USH2A: variants seen among roughly 807,000 people sequenced by gnomAD.
USH2A encodes the protein Usher syndrome 2A (autosomal recessive, mild).
Under a neutral mutation model 538.9 loss-of-function variants are expected in USH2A, and 443 were observed. The ratio of observed to expected loss-of-function variants is 0.82; its 90% CI spans 0.76 to 0.89. USH2A has a LOEUF of 0.89. Among genes scored for constraint, USH2A ranks in the 40% least tolerant of loss-of-function variants. The pLI, the probability that USH2A is intolerant of heterozygous loss-of-function variation, is 0.00. For synonymous variants in USH2A, 2,413 were observed against 2,273.5 expected (o/e 1.06, Z -1.75); for missense variants, 6,633 against 6,324.8 (o/e 1.05, Z -1.65).
intron 11 of USH2A, among the ~76,000 whole-genome samples, chr1:216,262,173 C>T (rs2036386810): frequency 6.6e-6 from 1 of 151,956 alleles, no homozygotes; most frequent in Admixed American, 6.6e-5. Flanking sequence ...AGCAAGAAAA[C>T]ATGACACTAC....
intron 37 of USH2A, among the ~76,000 whole-genome samples, chr1:215,960,606 C>T (rs1287179827): frequency 2.0e-5 from 3 of 152,002 alleles, no homozygotes; most frequent in Admixed American, 2.0e-4. Flanking sequence ...ATCATATGTT[C>T]CTCATAATTG....
rs2031814598 is a variant in USH2A, at chr1:216,078,137, T to C, written c.5524A>G (p.Ile1842Val). 5 of 1,613,574 alleles carry C rather than the reference T, an allele frequency of 3.1e-6. No homozygotes were observed. In the Admixed American group the frequency reaches 8.3e-5, roughly 27 times the overall value. ...VVNSPVYVGG[I>V]PQELLNSYQH... ...TAAGAGTTCAGCAGTTCCTGTGGGA[T>C]TCCTCCCACATAAACTGGTGAATTC... The change falls in exon 27 of 72, where the codon ATC becomes GTC. Residue 1842 changes from isoleucine (I) to valine (V), a missense_variant. Coordinates refer to ENST00000307340, the MANE Select transcript of USH2A (RefSeq NM_206933.4).
At chr1:216,066,197 A>G (rs1438210949) in intron 30 of USH2A, among the ~76,000 whole-genome samples, 4 of 151,592 alleles carry the variant, frequency 2.6e-5, no homozygotes, top group East Asian at 2.0e-4. Flanking sequence ...CTGGCCGGGC[A>G]CTGTGGCTCA....
chr1:215,940,138 C>A (rs1293830631), intron 37 of USH2A, among the ~76,000 whole-genome samples: 1 of 152,096 alleles, frequency 6.6e-6, no homozygotes, highest in Non-Finnish European at 1.5e-5. Context: ...CCTGGTCCTG[C>A]TTTAAGTTAG....
At chr1:215,846,144 T>C in intron 44 of USH2A, 111 bp from the exon 45 acceptor site, 1 of 1,042,166 alleles carries the variant, frequency 9.6e-7, no homozygotes, top group Non-Finnish European at 1.4e-6. Context: ...TAGAGAGCCT[T>C]TGTTTTGGAA....
intron 43 of USH2A, among the ~76,000 whole-genome samples, chr1:215,871,617 G>C (rs1471268711): frequency 6.6e-6 from 1 of 151,842 alleles, no homozygotes; most frequent in Non-Finnish European, 1.5e-5. Flanking sequence ...AATATTTATT[G>C]GATATTACCA....
At chr1:215,968,816 T>C (rs1412241668) in intron 36 of USH2A, among the ~76,000 whole-genome samples, 1 of 152,204 alleles carries the variant, frequency 6.6e-6, no homozygotes, top group Non-Finnish European at 1.5e-5. Flanking sequence ...CATCGGGCTC[T>C]ATTTAGATGA....
chr1:215,729,676 G>C (rs1659934483), intron 60 of USH2A, among the ~76,000 whole-genome samples: 1 of 152,112 alleles, frequency 6.6e-6, no homozygotes, highest in African/African-American at 2.4e-5. Context: ...TGTCACTCAG[G>C]CTGGAGTGCA....
At chr1:215,777,311 T>C (rs532878649) in intron 55 of USH2A, among the ~76,000 whole-genome samples, 2 of 152,350 alleles carry the variant, frequency 1.3e-5, no homozygotes, top group South Asian at 4.1e-4. Context: ...AATTATTTTA[T>C]AATTAATGAG....
At chr1:216,256,769 A>G (rs1286735382) in intron 11 of USH2A, among the ~76,000 whole-genome samples, 2 of 152,036 alleles carry the variant, frequency 1.3e-5, no homozygotes, top group South Asian at 4.1e-4. Context: ...TATGGTAAGA[A>G]TACAGTAAAT....
At chr1:216,026,977 G>A (rs1668982300) in intron 32 of USH2A, among the ~76,000 whole-genome samples, 1 of 152,038 alleles carries the variant, frequency 6.6e-6, no homozygotes, top group African/African-American at 2.4e-5. Context: ...TATTCTGTAG[G>A]CTTTATCCCC....
chr1:216,097,108 C>T lies in USH2A; in HGVS notation c.4733G>A (p.Arg1578His), dbSNP rs552928943. 3.3e-5 allele frequency: 54 copies of T among 1,613,942 alleles called. No homozygotes were observed. The highest frequency in any genetic ancestry group is 3.7e-5 in the Non-Finnish European group (44 of 1,180,006). ...EYFALQLKKG[R>H]LYFLFDPQGS... Reference sequence around the variant, plus strand: ...CTGAGGATCAAAAAGAAAATAAAGACGTCCCTTCTTCAACTGAAGTGCAAA... The same window carrying T: ...CTGAGGATCAAAAAGAAAATAAAGATGTCCCTTCTTCAACTGAAGTGCAAA... Residue 1578 changes from arginine to histidine, a missense_variant, in exon 22 of 72, where the codon CGT (arginine) becomes CAT (histidine). Coordinates refer to ENST00000307340, the MANE Select transcript of USH2A (RefSeq NM_206933.4).
At chr1:215,970,547 C>T in intron 36 of USH2A, 78 bp downstream of exon 36, 1 of 1,591,066 alleles carries the variant, frequency 6.3e-7, no homozygotes, top group African/African-American at 1.3e-5. Context: ...GGGTGAGTCA[C>T]CGCCACTTAC....
chr1:216,005,357 C>T (rs997915721), intron 32 of USH2A, among the ~76,000 whole-genome samples: 15 of 152,064 alleles, frequency 9.9e-5, no homozygotes, highest in African/African-American at 3.4e-4. Context: ...ATCATAATTA[C>T]TAAAACAAGT....
chr1:215,976,537 T>C (rs943511433), intron 35 of USH2A, among the ~76,000 whole-genome samples: 1 of 152,196 alleles, frequency 6.6e-6, no homozygotes. Flanking sequence ...TTGGATTTTA[T>C]TGAAAGCTTT....
At chr1:215,837,874 A>G (rs540771113) in intron 47 of USH2A, 117 bp downstream of exon 47, 93 of 845,078 alleles carry the variant, frequency 1.1e-4, no homozygotes, top group Non-Finnish European at 1.8e-4. Context: ...TGATTTACAC[A>G]CATACTTATA....
chr1:215,994,114 G>A (rs933972860), intron 34 of USH2A, among the ~76,000 whole-genome samples: 10 of 152,046 alleles, frequency 6.6e-5, no homozygotes, highest in Non-Finnish European at 1.2e-4. Flanking sequence ...AATTTCAATT[G>A]ATACAACAAA....
Position 216,072,957 on chromosome 1 carries a change from C to T in USH2A, c.5789G>A (p.Arg1930Gln), listed in dbSNP as rs200348779. ...GLQPFTEYLYRVIASHEGGSV... is the reference protein window; with the variant it reads ...GLQPFTEYLYQVIASHEGGSV... ...ACCTCCTTCATGCGAGGCTATCACTCGATACAGGTATTCTTAAATGGAAAT... is the reference window on the plus strand; with the variant it reads ...ACCTCCTTCATGCGAGGCTATCACTTGATACAGGTATTCTTAAATGGAAAT... The change falls in exon 29 of 72, where the codon CGA (arginine) becomes CAA (glutamine). Residue 1930 changes from arginine to glutamine, a missense_variant. Coordinates refer to ENST00000307340, the MANE Select transcript of USH2A (RefSeq NM_206933.4). 5.9e-5 allele frequency: 95 copies of T among 1,613,664 alleles called. No homozygotes were observed. Among genetic ancestry groups the T allele is most frequent in the South Asian group, 2.3e-4 (21 of 91,052 alleles).
intron 43 of USH2A, among the ~76,000 whole-genome samples, chr1:215,876,996 C>T (rs73090751): frequency 3.0e-4 from 45 of 152,140 alleles, no homozygotes; most frequent in South Asian, 1.2e-3. Flanking sequence ...AACATATGAT[C>T]GAGGAGTTTT....
Sources: gnomAD v4.1 joint callset for allele counts (sites outside exome capture counted in the v4.1 genomes callset) on GRCh38, gnomAD v4.1.1 for gene constraint, MANE v1.5 for transcripts, NCBI Gene and HGNC (gene_info 2026-07-23, HGNC 2026-07-21) for gene names.